Variants in CNTD1 observed in about 807,000 individuals in gnomAD.
The protein encoded by CNTD1 is cyclin N-terminal domain containing 1.
CNTD1 carries 17 observed loss-of-function variants against 36.3 expected under a neutral mutation model. The ratio of observed to expected loss-of-function variants is 0.47; its 90% CI spans 0.32 to 0.70. CNTD1 has a LOEUF of 0.70. CNTD1 is among the 30% of genes least tolerant of loss of function. The pLI is 0.03. For synonymous variants in CNTD1, 128 were observed against 153.3 expected (o/e 0.83, Z 1.22); for missense variants, 338 against 386.1 (o/e 0.88, Z 1.04).
chr17:42,800,868 GGAA>G (rs2054767546), intron 1 of CNTD1, among the ~76,000 whole-genome samples: 1 of 152,176 alleles, frequency 6.6e-6, no homozygotes, highest in South Asian at 2.1e-4. Context: ...CTGGAAGACT[GGAA>G]GTATAGTGGT....
At position 42,807,362 on chromosome 17, in the gene CNTD1, C is replaced by T. The variant is rs2054897506; in HGVS notation, c.726-406C>T. 2.0e-5 allele frequency among the ~76,000 whole-genome samples: 3 copies of T among 151,962 alleles called. No homozygotes were observed. In the South Asian group the frequency reaches 6.2e-4, roughly 32 times the overall value. The stretch of plus-strand genomic sequence containing the variant: ...CCCAGGAGGCGGAGCTTGCAGTGAG[C>T]TGAGATGGCGCCACTGCACTCCAGC... On this transcript the variant is annotated intron_variant, in intron 5 of 6. Coordinates refer to ENST00000588408, the MANE Select transcript of CNTD1 (RefSeq NM_173478.3).
chr17:42,809,247 AT>A, intron 6 of CNTD1, 117 bp from the exon 7 acceptor site: 1 of 1,034,024 alleles, frequency 9.7e-7, no homozygotes, highest in South Asian at 1.6e-5. Context: ...TGGAATCTGG[AT>A]TTCAGAAAAA....
chr17:42,799,149 G>A lies in CNTD1; in HGVS notation c.82G>A (p.Ala28Thr), dbSNP rs2054727645. 6.2e-7 allele frequency: 1 copy of A among 1,614,090 alleles called. No individual in the cohort carries two copies. Among genetic ancestry groups the A allele is most frequent in the Non-Finnish European group, 8.5e-7 (1 of 1,180,008 alleles). The change falls in exon 1 of 7, where the codon GCC (alanine) becomes ACC (threonine). Residue 28 changes from alanine to threonine, a missense_variant. Ala to Thr is a moderately conservative substitution (Grantham distance 58). Transcript: ENST00000588408. ...TGTCGCCACAGAGACGATTGAAGAC[G>A]CCCTGCTTCACTTGGCCCAGCAGAA... ...GVVATETIED[A>T]LLHLAQQNEQ...
Position 42,798,861 on chromosome 17 carries a change from GAGGAGT to G in CNTD1, c.-206_-201del. 5 of 1,441,928 alleles carry G rather than the reference GAGGAGT, an allele frequency of 3.5e-6. No homozygotes were observed. Among genetic ancestry groups the G allele is most frequent in the Non-Finnish European group, 4.5e-6 (5 of 1,103,430 alleles). The allele number at this position is 1,441,928 out of a possible 1,614,324, so 89.3% of individuals were successfully genotyped here. Reference sequence around the variant, plus strand: ...AAGCGGACGTGCTTTCTGATTGGCTGAGGAGTCCGTGGCCGTTGGGGCGGGAAAAAG... The same window carrying G: ...AAGCGGACGTGCTTTCTGATTGGCTGCCGTGGCCGTTGGGGCGGGAAAAAG... On this transcript the variant is annotated 5_prime_UTR_variant, in exon 1 of 7. Transcript: ENST00000588408.
At position 42,802,126 on chromosome 17, in the gene CNTD1, C is replaced by T. The variant is rs557877439; in HGVS notation, c.170-1494C>T. ...GCCAGGCTTTCAAGTAATTCAACAGCGAGGCTGAGATGGGAGGATTGCTTG... is the reference window on the plus strand; with the variant it reads ...GCCAGGCTTTCAAGTAATTCAACAGTGAGGCTGAGATGGGAGGATTGCTTG... On this transcript the variant is annotated intron_variant, in intron 1 of 6. Transcript: ENST00000588408. Among the ~76,000 whole-genome samples the T allele has an allele frequency of 1.3e-3, 199 of 152,086 alleles. 1 individual carries two copies. The highest frequency in any genetic ancestry group is 6.8e-3 in the Middle Eastern group (2 of 294).
intron 5 of CNTD1, 110 bp downstream of exon 5, chr17:42,806,928 C>G (rs371512490): frequency 1.0e-6 from 1 of 966,528 alleles, no homozygotes; most frequent in East Asian, 2.6e-5. Context: ...TCCCAGATAA[C>G]CTACTCAGGC....
Position 42,811,542 on chromosome 17 carries a change from G to A in CNTD1, c.*2007G>A. On this transcript the variant is annotated 3_prime_UTR_variant, in exon 7 of 7. Coordinates refer to ENST00000588408, the MANE Select transcript of CNTD1 (RefSeq NM_173478.3). ...GCCCATCAATGTCATGTGATTCTGTGCCATTTTTTTGCTTTCCCACCATTT... is the reference window on the plus strand; with the variant it reads ...GCCCATCAATGTCATGTGATTCTGTACCATTTTTTTGCTTTCCCACCATTT... 2 of 1,384,022 alleles carry A rather than the reference G, an allele frequency of 1.4e-6. No individual in the cohort carries two copies. The highest frequency in any genetic ancestry group is 2.0e-6 in the Non-Finnish European group (2 of 1,013,018). The allele number at this position is 1,384,022 out of a possible 1,614,324, so 85.7% of individuals were successfully genotyped here. A position where few individuals can be genotyped will look rare whatever the true frequency, so the allele number is the denominator to read the frequency against.
chr17:42,800,276 G>T (rs1431546412), intron 1 of CNTD1, among the ~76,000 whole-genome samples: 1 of 152,080 alleles, frequency 6.6e-6, no homozygotes, highest in African/African-American at 2.4e-5. Context: ...TTCAGGGGAT[G>T]GCCCAGGCAT....
At position 42,811,454 on chromosome 17, in the gene CNTD1, T is replaced by C; in HGVS notation, c.*1919T>C. On this transcript the variant is annotated 3_prime_UTR_variant, in exon 7 of 7. Transcript: ENST00000588408. ...ACCCCCTAAACCATCTAAGGCAACA[T>C]TCTTCTACTCCAAGGACTAGGTGGT... 1.9e-6 allele frequency: 1 copy of C among 529,606 alleles called. No homozygotes were observed. The highest frequency in any genetic ancestry group is 3.1e-6 in the Non-Finnish European group (1 of 324,162). The allele number at this position is 529,606 out of a possible 1,614,324, so 32.8% of individuals were successfully genotyped here.
intron 3 of CNTD1, among the ~76,000 whole-genome samples, chr17:42,804,937 C>A (rs1035315241): frequency 3.9e-5 from 6 of 152,138 alleles, no homozygotes; most frequent in Non-Finnish European, 7.4e-5. Flanking sequence ...CACGCACACA[C>A]ATGATCTTTC....
Position 42,803,685 on chromosome 17 carries a change from A to G in CNTD1, c.235A>G (p.Ile79Val), listed in dbSNP as rs1282233960. ...ATCTGTGAGCTACCAGGCTGTAGAAATCCTAGAAAGGTAAAGCCCTGGCAT... is the reference window on the plus strand; with the variant it reads ...ATCTGTGAGCTACCAGGCTGTAGAAGTCCTAGAAAGGTAAAGCCCTGGCAT... The part of the protein sequence containing the change: ...EKSVSYQAVE[I>V]LERFMVKQAE... Residue 79 changes from isoleucine (I) to valine (V), a missense_variant, in exon 2 of 7, where the codon ATC becomes GTC. Ile to Val is a conservative substitution (Grantham distance 29). Coordinates refer to ENST00000588408, the MANE Select transcript of CNTD1 (RefSeq NM_173478.3). The G allele has an allele frequency of 1.5e-5, 25 of 1,613,910 alleles. No homozygotes were observed. The highest frequency in any genetic ancestry group is 1.9e-5 in the Non-Finnish European group (22 of 1,179,806).
intron 1 of CNTD1, among the ~76,000 whole-genome samples, chr17:42,801,833 A>C (rs1282782243): frequency 6.6e-6 from 1 of 152,026 alleles, no homozygotes; most frequent in African/African-American, 2.4e-5. Context: ...TGGAGTAAGA[A>C]GACTTGTGAA....
At position 42,799,093 on chromosome 17, in the gene CNTD1, C is replaced by A; in HGVS notation, c.26C>A (p.Ser9Ter). The stretch of plus-strand genomic sequence containing the variant: ...ATGGACGGACCCATGAGGCCACGAT[C>A]GGCCTCCCTCGTTGACTTTCAGTTT... MDGPMRPR[S>*]ASLVDFQFGV... The change falls in exon 1 of 7, where the codon TCG becomes TAG. Residue 9 changes from serine (S) to a stop codon, truncating the protein, a stop_gained. Transcript: ENST00000588408. LOFTEE classifies it high-confidence loss of function. 1 of 1,614,026 alleles carries A rather than the reference C, an allele frequency of 6.2e-7. No individual in the cohort carries two copies. Among genetic ancestry groups the A allele is most frequent in the Non-Finnish European group, 8.5e-7 (1 of 1,180,012 alleles).
At position 42,801,528 on chromosome 17, in the gene CNTD1, T is replaced by A. The variant is rs1321373136; in HGVS notation, c.170-2092T>A. Reference sequence around the variant, plus strand: ...AAAAAAAAATATATATATATATATATATATATATATATATATATAATATAT... The same window carrying A: ...AAAAAAAAATATATATATATATATAAATATATATATATATATATAATATAT... On this transcript the variant is annotated intron_variant, in intron 1 of 6. Coordinates refer to ENST00000588408, the MANE Select transcript of CNTD1 (RefSeq NM_173478.3). Among the ~76,000 whole-genome samples, 661 of 80,688 alleles carry A rather than the reference T, an allele frequency of 8.2e-3. 50 individuals are homozygous for A. Among genetic ancestry groups the A allele is most frequent in the African/African-American group, 0.03 (604 of 19,940 alleles). The allele number at this position is 80,688 out of a possible 152,430, so 52.9% of individuals were successfully genotyped here. A position where few individuals can be genotyped will look rare whatever the true frequency, so the allele number is the denominator to read the frequency against.
Position 42,810,952 on chromosome 17 carries a change from CATT to C in CNTD1, c.*1419_*1421del. ...TCCTGCAGATGGACAGAGCAAAACT[CATT>C]AGTAACTGAGATCTGAGTTAAGTAA... On this transcript the variant is annotated 3_prime_UTR_variant, in exon 7 of 7. Coordinates refer to ENST00000588408, the MANE Select transcript of CNTD1 (RefSeq NM_173478.3). 6.5e-7 allele frequency: 1 copy of C among 1,549,810 alleles called. No homozygotes were observed. The highest frequency in any genetic ancestry group is 8.7e-7 in the Non-Finnish European group (1 of 1,147,442).
At chr17:42,804,617 T>C (rs1567661859) in intron 3 of CNTD1, among the ~76,000 whole-genome samples, 1 of 151,950 alleles carries the variant, frequency 6.6e-6, no homozygotes, top group African/African-American at 2.4e-5. Flanking sequence ...AGACCAGCCT[T>C]GCCAACATGG....
Position 42,811,516 on chromosome 17 carries a change from T to C in CNTD1, c.*1981T>C. ...CTGCTTGCAGTACTGGGTCAGTCTC[T>C]GCCCATCAATGTCATGTGATTCTGT... On this transcript the variant is annotated 3_prime_UTR_variant, in exon 7 of 7. Coordinates refer to ENST00000588408, the MANE Select transcript of CNTD1 (RefSeq NM_173478.3). 1 of 1,106,728 alleles carries C rather than the reference T, an allele frequency of 9.0e-7. No individual in the cohort carries two copies. Among genetic ancestry groups the C allele is most frequent in the Non-Finnish European group, 1.3e-6 (1 of 770,646 alleles). The allele number at this position is 1,106,728 out of a possible 1,614,324, so 68.6% of individuals were successfully genotyped here.
chr17:42,807,874 A>C lies in CNTD1; in HGVS notation c.822+10A>C. The C allele has an allele frequency of 1.3e-6, 2 of 1,579,184 alleles. No individual in the cohort carries two copies. Among genetic ancestry groups the C allele is most frequent in the Non-Finnish European group, 1.7e-6 (2 of 1,148,100 alleles). On this transcript the variant is annotated intron_variant, in intron 6 of 6. Transcript: ENST00000588408. The stretch of plus-strand genomic sequence containing the variant: ...TGAGTGTTGGAGCCAGGTATGCACC[A>C]CTGAGCAGGACCAGCATGGTGAGAA...
Position 42,810,741 on chromosome 17 carries a change from C to G in CNTD1, c.*1206C>G, listed in dbSNP as rs781168074. The G allele has an allele frequency of 2.5e-6, 4 of 1,581,676 alleles. No individual in the cohort carries two copies. Among genetic ancestry groups the G allele is most frequent in the Non-Finnish European group, 3.4e-6 (4 of 1,165,244 alleles). On this transcript the variant is annotated 3_prime_UTR_variant, in exon 7 of 7. Coordinates refer to ENST00000588408, the MANE Select transcript of CNTD1 (RefSeq NM_173478.3). ...AAAATTAAAAGCCTTTAAGGCAAAC[C>G]TCCCCCTAAGGAAAAAAGTCATTTG...
Sources: gnomAD v4.1 joint callset for allele counts (sites outside exome capture counted in the v4.1 genomes callset) on GRCh38, gnomAD v4.1.1 for gene constraint, MANE v1.5 for transcripts, NCBI Gene and HGNC (gene_info 2026-07-23, HGNC 2026-07-21) for gene names.